The following MTHFD1L variants were observed in gnomAD, a reference collection of about 807,000 sequenced individuals.
MTHFD1L encodes monofunctional C1-tetrahydrofolate synthase, mitochondrial.
In MTHFD1L, 81 loss-of-function variants were observed where a neutral mutation model predicts 119.5. That is an observed-to-expected ratio of 0.68 (90% CI 0.57 to 0.82). The LOEUF (loss-of-function observed/expected upper bound fraction) is 0.82, where lower values mean the gene tolerates loss of function less well. Among genes scored for constraint, MTHFD1L ranks in the 40% least tolerant of loss-of-function variants. The probability of loss-of-function intolerance (pLI) is 0.00; values close to 1 mark genes in which losing one functional copy is unlikely to be tolerated. For missense variants in MTHFD1L, 1,125 were observed against 1,253.4 expected, an observed-to-expected ratio of 0.90 and a Z score of 1.55; for synonymous variants, 430 against 475.2, an observed-to-expected ratio of 0.90 and a Z score of 1.24.
intron 23 of MTHFD1L, among the ~76,000 whole-genome samples, 191 bp from the exon 24 acceptor site, chr6:151,015,325 T>TTGAGTCAC (rs1207635225): frequency 6.6e-6 from 1 of 151,946 alleles, no homozygotes; most frequent in Non-Finnish European, 1.5e-5. Flanking sequence ...CTTGAAATAT[T>TTGAGTCAC]TGAGTCACTT....
chr6:150,958,108 G>A (rs1419061293), intron 17 of MTHFD1L, among the ~76,000 whole-genome samples: 1 of 152,112 alleles, frequency 6.6e-6, no homozygotes, highest in African/African-American at 2.4e-5. Flanking sequence ...GGGATGTTAT[G>A]TTAAAAAAAC....
Position 151,009,908 on chromosome 6 carries a change from G to T in MTHFD1L, c.2215G>T (p.Val739Leu). ...TTCCGGCTTGGTGCCCAACGTGGTT[G>T]TGTTAGTGGCAACGGTGCGAGCTCT... Reference protein sequence around the residue: ...RASGLVPNVVVLVATVRALKM... With the variant: ...RASGLVPNVVLLVATVRALKM... Residue 739 changes from valine to leucine, a missense_variant, in exon 21 of 28, where the codon GTG (valine) becomes TTG (leucine). Physicochemically the swap from Val to Leu is conservative, Grantham distance 32 (BLOSUM62 1). This residue lies in a region of MTHFD1L where 1,058 missense variants were observed against 1,151.2 expected (regional missense o/e 0.92). Coordinates refer to ENST00000367321, the MANE Select transcript of MTHFD1L (RefSeq NM_015440.5). The T allele has an allele frequency of 1.9e-6, 3 of 1,613,726 alleles. No homozygotes were observed. The highest frequency in any genetic ancestry group is 2.5e-6 in the Non-Finnish European group (3 of 1,179,892).
chr6:151,061,373 A>G (rs1375401153), intron 26 of MTHFD1L, among the ~76,000 whole-genome samples: 5 of 152,208 alleles, frequency 3.3e-5, no homozygotes, highest in African/African-American at 9.7e-5. Flanking sequence ...TTAGAGACTC[A>G]GTCCCCAAGG....
At position 151,015,589 on chromosome 6, in the gene MTHFD1L, T is replaced by C; in HGVS notation, c.2482T>C (p.Cys828Arg). 6.2e-7 allele frequency: 1 copy of C among 1,614,176 alleles called. No individual in the cohort carries two copies. The highest frequency in any genetic ancestry group is 8.5e-7 in the Non-Finnish European group (1 of 1,180,042). Residue 828 changes from cysteine to arginine, a missense_variant, in exon 24 of 28, where the codon TGC becomes CGC. Physicochemically the swap from Cys to Arg is radical, Grantham distance 180. Transcript: ENST00000367321. ...KRAGAFDAVP[C>R]YHWSVGGKGS... The stretch of plus-strand genomic sequence containing the variant: ...GGCTGGTGCCTTTGATGCAGTCCCC[T>C]GCTATCACTGGTCCGTTGGTGGAAA...
chr6:151,094,549 T>C (rs908735831), intron 27 of MTHFD1L, among the ~76,000 whole-genome samples: 4 of 151,004 alleles, frequency 2.6e-5, no homozygotes, highest in African/African-American at 7.3e-5. Flanking sequence ...TTTATTTATG[T>C]ATTTATTTAT....
chr6:151,056,268 T>C (rs1410127380), intron 26 of MTHFD1L, among the ~76,000 whole-genome samples: 1 of 152,220 alleles, frequency 6.6e-6, no homozygotes, highest in Non-Finnish European at 1.5e-5. Context: ...GTTAGTCACC[T>C]TTTTAGGTGA....
chr6:151,030,527 GGTT>G, intron 24 of MTHFD1L, among the ~76,000 whole-genome samples: 1 of 152,234 alleles, frequency 6.6e-6, no homozygotes, highest in Non-Finnish European at 1.5e-5. Flanking sequence ...GCCAGGCATT[GGTT>G]GATCAGCAGA....
intron 26 of MTHFD1L, among the ~76,000 whole-genome samples, chr6:151,049,058 T>TA (rs1788561767): frequency 6.6e-6 from 1 of 152,166 alleles, no homozygotes; most frequent in African/African-American, 2.4e-5. Context: ...ACTGCCTGGC[T>TA]AAAAACCGCA....
intron 9 of MTHFD1L, 92 bp from the exon 10 acceptor site, chr6:150,922,113 G>A: frequency 1.1e-6 from 1 of 908,088 alleles, no homozygotes; most frequent in South Asian, 1.6e-5. Flanking sequence ...ATCTTGTTTT[G>A]TAACATCCAC....
chr6:150,973,612 C>T (rs1776098384), intron 20 of MTHFD1L, among the ~76,000 whole-genome samples: 2 of 152,148 alleles, frequency 1.3e-5, no homozygotes, highest in South Asian at 4.1e-4. Flanking sequence ...CTGCCCATAC[C>T]AGTTCTTACT....
At chr6:151,069,647 G>C (rs964588987) in intron 26 of MTHFD1L, among the ~76,000 whole-genome samples, 3 of 152,182 alleles carry the variant, frequency 2.0e-5, no homozygotes, top group Admixed American at 2.0e-4. Context: ...TGTTTCTGTA[G>C]TTAGCATCAG....
intron 26 of MTHFD1L, among the ~76,000 whole-genome samples, chr6:151,086,196 G>A (rs1002701985): frequency 1.1e-4 from 17 of 152,124 alleles, no homozygotes; most frequent in Admixed American, 1.0e-3. Context: ...TCCCAGGAGA[G>A]TCCATCTCTA....
intron 7 of MTHFD1L, among the ~76,000 whole-genome samples, chr6:150,889,304 A>G (rs1005885085): frequency 1.3e-5 from 2 of 152,218 alleles, no homozygotes; most frequent in African/African-American, 4.8e-5. Context: ...AAATACCTAA[A>G]TGTGGAAAGC....
chr6:150,912,714 AT>A (rs1562365501), intron 8 of MTHFD1L: 1 of 516,200 alleles, frequency 1.9e-6, no homozygotes, highest in Non-Finnish European at 4.0e-6. Flanking sequence ...AAAGTGATTC[AT>A]TGACTTGTCC....
At chr6:151,068,116 G>A (rs1041407747) in intron 26 of MTHFD1L, among the ~76,000 whole-genome samples, 2 of 152,260 alleles carry the variant, frequency 1.3e-5, no homozygotes, top group African/African-American at 4.8e-5. Flanking sequence ...TAATGGAGGA[G>A]ACTTCTGGGT....
Position 150,969,732 on chromosome 6 carries a change from G to A in MTHFD1L, c.2014-2215G>A, listed in dbSNP as rs115598751. On this transcript the variant is annotated intron_variant, in intron 19 of 27. Transcript: ENST00000367321. ...AAGGATAAGCATGCATTTGTAGGAAGCAAACAAAGCTTTCCATAGAGAAAC... is the reference window on the plus strand; with the variant it reads ...AAGGATAAGCATGCATTTGTAGGAAACAAACAAAGCTTTCCATAGAGAAAC... 3.7e-3 allele frequency among the ~76,000 whole-genome samples: 567 copies of A among 152,238 alleles called. 4 individuals carry two copies. Among genetic ancestry groups the A allele is most frequent in the African/African-American group, 0.013 (543 of 41,548 alleles).
chr6:151,092,459 T>TC lies in MTHFD1L; in HGVS notation c.2848-3dup. On this transcript the variant is annotated splice_region_variant and splice_polypyrimidine_tract_variant and intron_variant, in intron 26 of 27. Transcript: ENST00000367321. ...TGCTAATCTGTAACGCTTGGTTTTC[T>TC]CCCCCAGATGAGCACCATGCCAGGA... is the stretch of plus-strand genomic sequence containing the variant. 1 of 1,605,826 alleles carries TC rather than the reference T, an allele frequency of 6.2e-7. No homozygotes were observed. Among genetic ancestry groups the TC allele is most frequent in the Non-Finnish European group, 8.5e-7 (1 of 1,177,348 alleles).
In MTHFD1L at chr6:150,877,645, C is replaced by A; in HGVS notation, c.324C>A (p.Asp108Glu). The A allele has an allele frequency of 6.2e-7, 1 of 1,614,100 alleles. No individual in the cohort carries two copies. The highest frequency in any genetic ancestry group is 1.1e-5 in the South Asian group (1 of 91,076). The change falls in exon 3 of 28, where the codon GAC becomes GAA. Residue 108 changes from aspartate to glutamate, a missense_variant. This residue lies in a region of MTHFD1L where 1,058 missense variants were observed against 1,151.2 expected (regional missense o/e 0.92). Coordinates refer to ENST00000367321, the MANE Select transcript of MTHFD1L (RefSeq NM_015440.5). The stretch of plus-strand genomic sequence containing the variant: ...TTTACCTTCCTAAGGCAGGTGACGA[C>A]AACTTGATGCAGGAAATCAACCAGA... ...PVLAIIQAGDDNLMQEINQNL... is the reference protein window; with the variant it reads ...PVLAIIQAGDENLMQEINQNL...
At chr6:150,967,503 T>C (rs1242136634) in intron 19 of MTHFD1L, among the ~76,000 whole-genome samples, 1 of 152,212 alleles carries the variant, frequency 6.6e-6, no homozygotes, top group Non-Finnish European at 1.5e-5. Context: ...CTTGCAGGTA[T>C]AGTTACCAGG....
Sources: gnomAD v4.1 joint callset for allele counts (sites outside exome capture counted in the v4.1 genomes callset) on GRCh38, gnomAD v4.1.1 for gene constraint, gnomAD v4.1.1 regional missense constraint, MANE v1.5 for transcripts, NCBI Gene and HGNC (gene_info 2026-07-23, HGNC 2026-07-21) for gene names.